PTPRD: variants seen among roughly 807,000 people sequenced by gnomAD.
PTPRD encodes protein tyrosine phosphatase receptor type D.
In PTPRD, 34 loss-of-function variants were observed where a neutral mutation model predicts 214.5. That is an observed-to-expected ratio of 0.16 (90% CI 0.12 to 0.21). The LOEUF is 0.21. PTPRD is among the 10% of genes least tolerant of loss of function. PTPRD has a pLI of 1.00. For synonymous variants in PTPRD, 1,128 were observed against 845.7 expected (o/e 1.33, Z -5.79); for missense variants, 2,545 against 2,398.7 (o/e 1.06, Z -1.27).
At chr9:10,527,682 A>T (rs1377450660) in intron 2 of PTPRD, among the ~76,000 whole-genome samples, 1 of 152,196 alleles carries the variant, frequency 6.6e-6, no homozygotes, top group East Asian at 1.9e-4. Context: ...CTACAAATGT[A>T]ATCACCATAA....
In PTPRD at chr9:9,808,637, T is replaced by A. The variant is rs116539404; in HGVS notation, c.-367-41786A>T. ...TAACTTGCTTATCCCATTCAGTTTTTTAAATAAAATCGTTTAAAAGATAAT... is the reference window on the plus strand; with the variant it reads ...TAACTTGCTTATCCCATTCAGTTTTATAAATAAAATCGTTTAAAAGATAAT... On this transcript the variant is annotated intron_variant, in intron 5 of 45. Coordinates refer to ENST00000381196, the MANE Select transcript of PTPRD (RefSeq NM_002839.4). 8.2e-3 allele frequency among the ~76,000 whole-genome samples: 1,246 copies of A among 152,290 alleles called. 18 individuals carry two copies. The highest frequency in any genetic ancestry group is 0.028 in the African/African-American group (1,179 of 41,550).
At chr9:9,254,283 A>G (rs1039068010) in intron 9 of PTPRD, among the ~76,000 whole-genome samples, 5 of 152,006 alleles carry the variant, frequency 3.3e-5, no homozygotes, top group African/African-American at 1.2e-4. Context: ...TGGACAAAGT[A>G]AGTCTATATA....
intron 11 of PTPRD, among the ~76,000 whole-genome samples, chr9:8,937,354 G>A (rs1174089246): frequency 2.0e-5 from 3 of 152,046 alleles, no homozygotes; most frequent in Non-Finnish European, 4.4e-5. Context: ...TTCTTATAAA[G>A]CCACATTTTC....
At chr9:10,426,952 A>T (rs2098626914) in intron 2 of PTPRD, among the ~76,000 whole-genome samples, 1 of 152,102 alleles carries the variant, frequency 6.6e-6, no homozygotes, top group African/African-American at 2.4e-5. Flanking sequence ...AACAAAGATG[A>T]CAAAGAGGCC....
intron 2 of PTPRD, among the ~76,000 whole-genome samples, chr9:10,409,125 C>A (rs539627072): frequency 6.6e-6 from 1 of 151,704 alleles, no homozygotes; most frequent in East Asian, 2.0e-4. Flanking sequence ...AAGAAAAATA[C>A]GTAACATAAA....
chr9:9,626,725 G>C (rs1294904484), intron 7 of PTPRD, among the ~76,000 whole-genome samples: 1 of 152,140 alleles, frequency 6.6e-6, no homozygotes, highest in Non-Finnish European at 1.5e-5. Context: ...GGTAGGGTTA[G>C]GGTTACCCAT....
In PTPRD at chr9:10,459,051, C is replaced by T. The variant is rs192899169; in HGVS notation, c.-599-118034G>A. Among the ~76,000 whole-genome samples, 644 of 151,078 alleles carry T rather than the reference C, an allele frequency of 4.3e-3. 5 individuals carry two copies. The highest frequency in any genetic ancestry group is 0.015 in the African/African-American group (609 of 41,460). On this transcript the variant is annotated intron_variant, in intron 2 of 45. Transcript: ENST00000381196. Reference sequence around the variant, plus strand: ...TCTCCTAATGCTATCCCTCCCCTAGCCCCCCATCCATGACAGGCCCCAGTG... The same window carrying T: ...TCTCCTAATGCTATCCCTCCCCTAGTCCCCCATCCATGACAGGCCCCAGTG...
chr9:8,728,205 G>C (rs926362895), intron 12 of PTPRD, among the ~76,000 whole-genome samples: 2 of 152,128 alleles, frequency 1.3e-5, no homozygotes, highest in African/African-American at 2.4e-5. Flanking sequence ...AGCCAAGATC[G>C]TGCCATTGCA....
At chr9:9,306,215 G>C (rs1957073976) in intron 9 of PTPRD, among the ~76,000 whole-genome samples, 1 of 152,002 alleles carries the variant, frequency 6.6e-6, no homozygotes, top group East Asian at 1.9e-4. Flanking sequence ...GAATATTTAA[G>C]GGCTGATTTT....
intron 2 of PTPRD, among the ~76,000 whole-genome samples, chr9:10,379,978 G>T (rs2097789157): frequency 6.6e-6 from 1 of 151,894 alleles, no homozygotes; most frequent in East Asian, 1.9e-4. Context: ...TAGAGATGAG[G>T]TCTTACTCTG....
intron 12 of PTPRD, among the ~76,000 whole-genome samples, chr9:8,730,861 T>A (rs75916838): frequency 0.036 from 5,437 of 152,292 alleles, 124 homozygotes; most frequent in Non-Finnish European, 0.052. Flanking sequence ...AAGTCGCATA[T>A]GCCCTTCCCT....
intron 5 of PTPRD, among the ~76,000 whole-genome samples, chr9:9,786,927 G>A (rs2154493419): frequency 6.6e-6 from 1 of 152,150 alleles, no homozygotes; most frequent in Non-Finnish European, 1.5e-5. Context: ...GGTGGATCAG[G>A]AGTTTTGAGA....
At chr9:8,318,965 T>TAATGCAAAATAAATGGTGTTTACTTTC (rs1307535362) in intron 45 of PTPRD, among the ~76,000 whole-genome samples, 1 of 152,106 alleles carries the variant, frequency 6.6e-6, no homozygotes, top group Non-Finnish European at 1.5e-5. Flanking sequence ...AAATGGTTGG[T>TAATGCAAAATAAATGGTGTTTACTTTC]AATGCAAAAT....
intron 11 of PTPRD, among the ~76,000 whole-genome samples, chr9:8,823,783 G>C (rs999117667): frequency 2.0e-5 from 3 of 152,182 alleles, no homozygotes; most frequent in Non-Finnish European, 4.4e-5. Flanking sequence ...ATTGGATTTT[G>C]CGCGAGAAAA....
At chr9:8,503,326 T>C (rs2097457459) in intron 23 of PTPRD, among the ~76,000 whole-genome samples, 1 of 152,142 alleles carries the variant, frequency 6.6e-6, no homozygotes, top group African/African-American at 2.4e-5. Flanking sequence ...CAAAATTCAA[T>C]GTATTTCTAC....
At chr9:10,563,185 T>G (rs1000690485) in intron 2 of PTPRD, among the ~76,000 whole-genome samples, 4 of 152,194 alleles carry the variant, frequency 2.6e-5, no homozygotes, top group Admixed American at 6.5e-5. Context: ...GCAGTGGTTT[T>G]CCTGGGTTTG....
intron 11 of PTPRD, among the ~76,000 whole-genome samples, chr9:8,934,506 AAT>A (rs1454498464): frequency 2.3e-3 from 24 of 10,370 alleles, no homozygotes; most frequent in African/African-American, 6.7e-3. Flanking sequence ...TATATATATA[AAT>A]ATATATATAT....
Position 8,740,100 on chromosome 9 carries a change from T to A in PTPRD, c.-103-6154A>T, listed in dbSNP as rs150198975. Among the ~76,000 whole-genome samples the A allele has an allele frequency of 4.5e-4, 69 of 152,312 alleles. 1 individual carries two copies. The highest frequency in any genetic ancestry group is 6.3e-4 in the Non-Finnish European group (43 of 68,034). ...GCCAAATAAAAGATTTCATTTTTTT[T>A]AAATTATTTCATAGAATGTAAAGGG... On this transcript the variant is annotated intron_variant, in intron 11 of 45. Transcript: ENST00000381196.
chr9:9,378,365 T>C (rs1314636392), intron 9 of PTPRD, among the ~76,000 whole-genome samples: 1 of 152,190 alleles, frequency 6.6e-6, no homozygotes, highest in Non-Finnish European at 1.5e-5. Flanking sequence ...ACAGATCATT[T>C]CTTTTTAGCA....
Sources: gnomAD v4.1 joint callset for allele counts (sites outside exome capture counted in the v4.1 genomes callset) on GRCh38, gnomAD v4.1.1 for gene constraint, MANE v1.5 for transcripts, NCBI Gene and HGNC (gene_info 2026-07-23, HGNC 2026-07-21) for gene names.